Variants in TMEM62 observed in about 807,000 individuals in gnomAD.
TMEM62 encodes the protein transmembrane protein 62.
TMEM62 carries 41 observed loss-of-function variants against 70.4 expected under a neutral mutation model. The ratio of observed to expected loss-of-function variants is 0.58; its 90% CI spans 0.45 to 0.76. TMEM62 has a LOEUF of 0.76. Ranked by LOEUF, TMEM62 falls within the 30% of genes least tolerant of loss-of-function variation. The pLI is 0.00. For synonymous variants in TMEM62, 268 were observed against 291.0 expected (o/e 0.92, Z 0.80); for missense variants, 688 against 788.5 (o/e 0.87, Z 1.53).
intron 9 of TMEM62, among the ~76,000 whole-genome samples, chr15:43,156,572 C>A (rs1409560970): frequency 1.3e-5 from 2 of 152,054 alleles, no homozygotes; most frequent in South Asian, 2.1e-4. Flanking sequence ...GCCTCAGAAC[C>A]CCAGTGTATT....
intron 10 of TMEM62, among the ~76,000 whole-genome samples, chr15:43,164,625 G>C (rs905502441): frequency 6.6e-6 from 1 of 152,030 alleles, no homozygotes; most frequent in Non-Finnish European, 1.5e-5. Context: ...CTCCCAAAAT[G>C]TTGGAATTAC....
At chr15:43,164,107 TTAATA>T (rs746424388) in intron 10 of TMEM62, among the ~76,000 whole-genome samples, 3 of 152,248 alleles carry the variant, frequency 2.0e-5, no homozygotes, top group Non-Finnish European at 2.9e-5. Context: ...ATTTGATTGC[TTAATA>T]TAATTGTATA....
chr15:43,169,503 T>C (rs1418354458), intron 10 of TMEM62, 90 bp from the exon 11 acceptor site: 2 of 1,136,930 alleles, frequency 1.8e-6, no homozygotes, highest in African/African-American at 3.1e-5. Flanking sequence ...ACAGATGCCA[T>C]TTCCATTTTT....
chr15:43,167,038 A>G (rs1245912419), intron 10 of TMEM62, among the ~76,000 whole-genome samples: 11 of 152,112 alleles, frequency 7.2e-5, no homozygotes, highest in Non-Finnish European at 1.3e-4. Flanking sequence ...CCCGTTCTCA[A>G]TGAGCTGTTG....
intron 4 of TMEM62, among the ~76,000 whole-genome samples, chr15:43,142,164 CTTT>C (rs56110605): frequency 3.6e-4 from 30 of 83,580 alleles, no homozygotes; most frequent in Admixed American, 6.4e-4. Flanking sequence ...TAGAGAAATT[CTTT>C]TTTTTTTTTT....
Position 43,160,728 on chromosome 15 carries a change from A to G in TMEM62, c.1230A>G (p.Gln410=). The change falls in exon 10 of 14, where the codon CAA becomes CAG. Residue 410 remains glutamine, a synonymous_variant. Coordinates refer to ENST00000260403, the MANE Select transcript of TMEM62 (RefSeq NM_024956.4). The part of the protein sequence containing the change: ...SKSVHHIFSV[Q]ENNHLSFDPL... ...GTGTTCACCACATATTTTCTGTTCA[A>G]GAGAATAATCATCTCAGTTTTGATC... The G allele has an allele frequency of 6.2e-7, 1 of 1,613,240 alleles. No individual in the cohort carries two copies. The highest frequency in any genetic ancestry group is 8.5e-7 in the Non-Finnish European group (1 of 1,179,508).
At chr15:43,163,875 C>T (rs943498069) in intron 10 of TMEM62, among the ~76,000 whole-genome samples, 2 of 152,136 alleles carry the variant, frequency 1.3e-5, no homozygotes, top group African/African-American at 4.8e-5. Flanking sequence ...TTAGTGGATT[C>T]CAGTGACGGT....
chr15:43,138,660 G>A lies in TMEM62; in HGVS notation c.476+41G>A, dbSNP rs1234853436. 4 of 1,467,224 alleles carry A rather than the reference G, an allele frequency of 2.7e-6. No homozygotes were observed. In the South Asian group the frequency reaches 4.9e-5, roughly 18 times the overall value. The allele number at this position is 1,467,224 out of a possible 1,614,324, so 90.9% of individuals were successfully genotyped here. A position where few individuals can be genotyped will look rare whatever the true frequency, so the allele number is the denominator to read the frequency against. On this transcript the variant is annotated intron_variant, in intron 4 of 13. Coordinates refer to ENST00000260403, the MANE Select transcript of TMEM62 (RefSeq NM_024956.4). ...GAAGACAGACCACTATGTAGAGTCAGTGTTATAAGGAGGGTGTGGTCAACT... is the reference window on the plus strand; with the variant it reads ...GAAGACAGACCACTATGTAGAGTCAATGTTATAAGGAGGGTGTGGTCAACT...
At chr15:43,165,389 C>T (rs530756550) in intron 10 of TMEM62, among the ~76,000 whole-genome samples, 2 of 152,070 alleles carry the variant, frequency 1.3e-5, no homozygotes, top group African/African-American at 2.4e-5. Flanking sequence ...CTTTCAGCTT[C>T]AGAATTTCTG....
intron 10 of TMEM62, among the ~76,000 whole-genome samples, chr15:43,165,134 T>A (rs1392354033): frequency 6.6e-6 from 1 of 152,224 alleles, no homozygotes; most frequent in Non-Finnish European, 1.5e-5. Context: ...TATTATTATT[T>A]TTTGAATAAA....
At chr15:43,175,920 C>A (rs1024239840) in intron 11 of TMEM62, among the ~76,000 whole-genome samples, 1 of 152,224 alleles carries the variant, frequency 6.6e-6, no homozygotes, top group African/African-American at 2.4e-5. Flanking sequence ...GGGGAGTTCC[C>A]TTTCCTAGTC....
At chr15:43,175,712 C>A (rs543589110) in intron 11 of TMEM62, among the ~76,000 whole-genome samples, 1 of 152,220 alleles carries the variant, frequency 6.6e-6, no homozygotes, top group South Asian at 2.1e-4. Context: ...GCCAAGATGG[C>A]CGAACAGGAA....
rs1483586225 is a variant in TMEM62, at chr15:43,134,319, C to G, written c.243C>G (p.Phe81Leu). ...DPGRAVDLEK[F>L]CSETIDIIQP... ...GCAGAGCGGTAGACTTAGAGAAATTCTGTTCTGAAACTATTGACATCATTC... is the reference window on the plus strand; with the variant it reads ...GCAGAGCGGTAGACTTAGAGAAATTGTGTTCTGAAACTATTGACATCATTC... The change falls in exon 2 of 14, where the codon TTC becomes TTG. Residue 81 changes from phenylalanine to leucine, a missense_variant. By Grantham distance (22) the Phe-to-Leu change is conservative. Coordinates refer to ENST00000260403, the MANE Select transcript of TMEM62 (RefSeq NM_024956.4). 6.2e-7 allele frequency: 1 copy of G among 1,614,152 alleles called. No individual in the cohort carries two copies. The highest frequency in any genetic ancestry group is 1.7e-5 in the Admixed American group (1 of 60,016).
At position 43,148,784 on chromosome 15, in the gene TMEM62, C is replaced by T. The variant is rs759941091; in HGVS notation, c.648C>T (p.Ala216=). 1.9e-6 allele frequency: 3 copies of T among 1,613,956 alleles called. No homozygotes were observed. In the South Asian group the frequency reaches 3.3e-5, roughly 18 times the overall value. ...KKKMEELLLL[A]KESSRSNHTI... ...AGATGGAGGAGCTCTTATTACTGGC[C>T]AAGGAAAGCAGTCGGAGCAACCATA... The change falls in exon 6 of 14, where the codon GCC becomes GCT. Residue 216 remains alanine (A), a synonymous_variant. Coordinates refer to ENST00000260403, the MANE Select transcript of TMEM62 (RefSeq NM_024956.4).
chr15:43,165,883 C>A (rs1024934923), intron 10 of TMEM62, among the ~76,000 whole-genome samples: 2 of 152,140 alleles, frequency 1.3e-5, no homozygotes, highest in Non-Finnish European at 2.9e-5. Flanking sequence ...TCTGAAAGTT[C>A]ACATAACTCT....
At position 43,148,894 on chromosome 15, in the gene TMEM62, C is replaced by CA; in HGVS notation, c.743+19dup. ...TCAATAATGAGGTGAGACAAGCTTC[C>CA]AAAATCAGAATTAATTTGTTTTTAG... On this transcript the variant is annotated intron_variant, in intron 6 of 13. Coordinates refer to ENST00000260403, the MANE Select transcript of TMEM62 (RefSeq NM_024956.4). 1 of 1,605,402 alleles carries CA rather than the reference C, an allele frequency of 6.2e-7. No individual in the cohort carries two copies. The highest frequency in any genetic ancestry group is 8.5e-7 in the Non-Finnish European group (1 of 1,177,394).
intron 11 of TMEM62, among the ~76,000 whole-genome samples, chr15:43,175,859 G>A (rs778064861): frequency 2.8e-4 from 43 of 152,196 alleles, no homozygotes; most frequent in Non-Finnish European, 4.9e-4. Flanking sequence ...CGCACCGTGC[G>A]TGAGCCGAAG....
intron 10 of TMEM62, among the ~76,000 whole-genome samples, chr15:43,165,101 T>C (rs2039224760): frequency 6.6e-6 from 1 of 152,158 alleles, no homozygotes; most frequent in Non-Finnish European, 1.5e-5. Context: ...ATTGATATAT[T>C]TCTTTAGGTT....
rs1325026449 is a variant in TMEM62 at position 43,177,217 on chromosome 15, A to T, written c.1382-1390A>T. Among the ~76,000 whole-genome samples, 6 of 152,268 alleles carry T rather than the reference A, an allele frequency of 3.9e-5. No homozygotes were observed. In the East Asian group the frequency reaches 1.2e-3, roughly 29 times the overall value. On this transcript the variant is annotated intron_variant, in intron 11 of 13. Transcript: ENST00000260403. ...AGACCAAATCTGCTATGTGAAAAGAAGACACTTATGCAGCCAAAAAACACA... is the reference window on the plus strand; with the variant it reads ...AGACCAAATCTGCTATGTGAAAAGATGACACTTATGCAGCCAAAAAACACA...
Sources: allele counts gnomAD v4.1 joint callset (sites outside exome capture counted in the v4.1 genomes callset), GRCh38; gene constraint gnomAD v4.1.1; transcripts MANE v1.5; gene names NCBI Gene and HGNC (gene_info 2026-07-23, HGNC 2026-07-21).